Variants in CDH4 observed in about 807,000 individuals in gnomAD.
CDH4 encodes the protein cadherin 4, also known as cadherin-4.
CDH4 carries 33 observed loss-of-function variants against 86.0 expected under a neutral mutation model. The observed-to-expected ratio is 0.38, with a 90% CI of 0.29 to 0.51. CDH4 has a LOEUF of 0.51. CDH4 is among the 20% of genes least tolerant of loss of function. The probability of loss-of-function intolerance (pLI) is 0.86; values close to 1 mark genes in which losing one functional copy is unlikely to be tolerated. For synonymous variants in CDH4, 555 were observed against 549.4 expected (o/e 1.01, Z -0.14); for missense variants, 1,114 against 1,307.4 (o/e 0.85, Z 2.28).
intron 2 of CDH4, among the ~76,000 whole-genome samples, chr20:61,385,326 C>T (rs1271995070): frequency 2.6e-5 from 4 of 152,158 alleles, no homozygotes; most frequent in Non-Finnish European, 4.4e-5. Flanking sequence ...CAGGCTTTGT[C>T]TTCTTTCCCC....
In CDH4 at chr20:61,940,150, G is replaced by A. The variant is rs896530669; in HGVS notation, c.*3207G>A. ...CACACGTGACCCAGCTCGTGGCGCC[G>A]TGGGTCCGTAGGAGGGACAGTACCT... is the stretch of plus-strand genomic sequence containing the variant. On this transcript the variant is annotated 3_prime_UTR_variant, in exon 16 of 16. Coordinates refer to ENST00000614565, the MANE Select transcript of CDH4 (RefSeq NM_001794.5). The A allele has an allele frequency of 4.6e-5, 7 of 152,360 alleles. No individual in the cohort carries two copies. The highest frequency in any genetic ancestry group is 9.6e-5 in the African/African-American group (4 of 41,584). The allele number at this position is 152,360 out of a possible 1,614,324, so 9.4% of individuals were successfully genotyped here.
chr20:61,879,508 ACAT>A lies in CDH4; in HGVS notation c.1050+5612_1050+5614del, dbSNP rs1398259320. Among the ~76,000 whole-genome samples, 3 of 152,090 alleles carry A rather than the reference ACAT, an allele frequency of 2.0e-5. No homozygotes were observed. The highest frequency in any genetic ancestry group is 2.9e-5 in the Non-Finnish European group (2 of 68,020). On this transcript the variant is annotated intron_variant, in intron 7 of 15. Coordinates refer to ENST00000614565, the MANE Select transcript of CDH4 (RefSeq NM_001794.5). The surrounding 1 kb of genome is among the most constrained non-coding windows in gnomAD (Gnocchi z 4.1). ...TCTTTAGGAAGAAGAAAATCCACAA[ACAT>A]CATTGCCGCCGTGTCTAATTAGGCA... is the stretch of plus-strand genomic sequence containing the variant.
At chr20:61,515,550 C>G (rs899009233) in intron 2 of CDH4, among the ~76,000 whole-genome samples, 2 of 152,172 alleles carry the variant, frequency 1.3e-5, no homozygotes, top group Non-Finnish European at 2.9e-5. Flanking sequence ...GGTTGTCCCT[C>G]CCTCCCTTCC....
intron 4 of CDH4, among the ~76,000 whole-genome samples, chr20:61,817,299 C>T (rs1311713988): frequency 6.6e-6 from 1 of 152,158 alleles, no homozygotes; most frequent in East Asian, 1.9e-4. Flanking sequence ...CGCTAGGTCC[C>T]GGGCTGCACC....
At chr20:61,853,088 T>G (rs1464211779) in intron 6 of CDH4, among the ~76,000 whole-genome samples, 190 bp downstream of exon 6, 1 of 151,986 alleles carries the variant, frequency 6.6e-6, no homozygotes, top group East Asian at 1.9e-4. Context: ...GTCAAGGGGG[T>G]TGCAGACCAC....
At chr20:61,920,660 C>A (rs75382432) in intron 9 of CDH4, among the ~76,000 whole-genome samples, 2 of 126,952 alleles carry the variant, frequency 1.6e-5, no homozygotes, top group Admixed American at 1.6e-4. Flanking sequence ...CGTGGTGTCA[C>A]AGTGACTGCA....
At chr20:61,884,360 G>GGCC (rs1490656259) in intron 7 of CDH4, among the ~76,000 whole-genome samples, 3 of 152,250 alleles carry the variant, frequency 2.0e-5, no homozygotes, top group African/African-American at 7.2e-5. Context: ...ACAGCTAAGG[G>GGCC]GCCGGGTCCC....
chr20:61,616,908 G>A (rs2086729545), intron 2 of CDH4, among the ~76,000 whole-genome samples: 1 of 152,110 alleles, frequency 6.6e-6, no homozygotes, highest in Non-Finnish European at 1.5e-5. Flanking sequence ...TGGGTCCTGG[G>A]GCAGTGGGTC....
At chr20:61,268,489 C>T (rs2084168293) in intron 2 of CDH4, among the ~76,000 whole-genome samples, 1 of 152,220 alleles carries the variant, frequency 6.6e-6, no homozygotes, top group Non-Finnish European at 1.5e-5. Flanking sequence ...TACCTTTTCT[C>T]CTGTCTTCTT....
chr20:61,888,435 C>T (rs1984645427), intron 7 of CDH4, among the ~76,000 whole-genome samples: 1 of 152,250 alleles, frequency 6.6e-6, no homozygotes, highest in Non-Finnish European at 1.5e-5. Context: ...GGTGGGGAAG[C>T]TTCCAGAGGT....
Position 61,902,132 on chromosome 20 carries a change from G to A in CDH4, c.1188+7085G>A, listed in dbSNP as rs373580785. On this transcript the variant is annotated intron_variant, in intron 8 of 15. Transcript: ENST00000614565. The surrounding 1 kb of genome is among the most constrained non-coding windows in gnomAD (Gnocchi z 4.6). The stretch of plus-strand genomic sequence containing the variant: ...AACTGATGGAAATTCAAACCATGAC[G>A]TGTTCAGTCCTTGGAGTTCCAGAAT... Among the ~76,000 whole-genome samples the A allele has an allele frequency of 8.5e-4, 129 of 152,344 alleles. No individual in the cohort carries two copies. The highest frequency in any genetic ancestry group is 2.9e-3 in the African/African-American group (119 of 41,576).
intron 2 of CDH4, among the ~76,000 whole-genome samples, chr20:61,720,099 C>A (rs577598857): frequency 2.6e-4 from 39 of 152,168 alleles, no homozygotes; most frequent in Admixed American, 2.0e-3. Flanking sequence ...TGGGGAGTGC[C>A]GCCTGCTGTT....
At chr20:61,527,680 T>G (rs1282206904) in intron 2 of CDH4, among the ~76,000 whole-genome samples, 1 of 152,154 alleles carries the variant, frequency 6.6e-6, no homozygotes, top group Non-Finnish European at 1.5e-5. Context: ...TGCGTGCTGT[T>G]TTATATGTTT....
chr20:61,911,002 G>A (rs2054844316), intron 9 of CDH4, among the ~76,000 whole-genome samples: 1 of 152,204 alleles, frequency 6.6e-6, no homozygotes, highest in Admixed American at 6.5e-5. Flanking sequence ...GATATTTGAA[G>A]TTTTTCATGT....
chr20:61,644,958 C>G (rs2087047118), intron 2 of CDH4, among the ~76,000 whole-genome samples: 1 of 152,226 alleles, frequency 6.6e-6, no homozygotes. Flanking sequence ...TCCAGACCAG[C>G]CTCTCAGCTT....
chr20:61,880,694 G>T (rs1233156812), intron 7 of CDH4, among the ~76,000 whole-genome samples: 1 of 152,242 alleles, frequency 6.6e-6, no homozygotes, highest in African/African-American at 2.4e-5. Flanking sequence ...GGCCTTGGGG[G>T]TGAGGGTCGG....
chr20:61,692,841 GT>G (rs10632243), intron 2 of CDH4, among the ~76,000 whole-genome samples: 2,264 of 143,982 alleles, frequency 0.016, 55 homozygotes, highest in African/African-American at 0.049. Context: ...TTTGTTTTTT[GT>G]TTTTTTTTTT....
At chr20:61,543,710 C>T (rs888393833) in intron 2 of CDH4, among the ~76,000 whole-genome samples, 4 of 152,192 alleles carry the variant, frequency 2.6e-5, no homozygotes, top group African/African-American at 4.8e-5. Flanking sequence ...CATAAAGACT[C>T]GTGAATGGCA....
intron 2 of CDH4, among the ~76,000 whole-genome samples, chr20:61,660,595 AGGGGTGGACG>A (rs2087242236): frequency 6.6e-6 from 1 of 152,102 alleles, no homozygotes; most frequent in Non-Finnish European, 1.5e-5. Flanking sequence ...CAGGAGGCAG[AGGGGTGGACG>A]GGGCGGTCGT....
Sources: allele counts gnomAD v4.1 joint callset (sites outside exome capture counted in the v4.1 genomes callset), GRCh38; gene constraint gnomAD v4.1.1; non-coding constraint Gnocchi (gnomAD v3.1); transcripts MANE v1.5; gene names NCBI Gene and HGNC (gene_info 2026-07-23, HGNC 2026-07-21).